LIMK1: variants seen among roughly 807,000 people sequenced by gnomAD.
LIMK1 encodes LIM motif-containing protein kinase.
In LIMK1, 21 loss-of-function variants were observed where a neutral mutation model predicts 77.6. The observed-to-expected ratio is 0.27, with a 90% CI of 0.19 to 0.39. The LOEUF is 0.39. LIMK1 is among the 10% of genes least tolerant of loss of function. The pLI is 1.00. For missense variants in LIMK1, 696 were observed against 901.6 expected, an observed-to-expected ratio of 0.77 and a Z score of 2.92; for synonymous variants, 358 against 370.0, an observed-to-expected ratio of 0.97 and a Z score of 0.37.
rs189172752 is a variant in LIMK1, at chr7:74,089,005, G to A, written c.152+3161G>A. Among the ~76,000 whole-genome samples, 251 of 152,128 alleles carry A rather than the reference G, an allele frequency of 1.6e-3. 1 individual carries two copies. In the Middle Eastern group the frequency reaches 0.017, roughly 10 times the overall value. ...GGATGGAGAGAATTTCAGGCAGAAGGGACAGTTTTTGGTGAGTATTTGTCA... is the reference window on the plus strand; with the variant it reads ...GGATGGAGAGAATTTCAGGCAGAAGAGACAGTTTTTGGTGAGTATTTGTCA... On this transcript the variant is annotated intron_variant, in intron 2 of 15. Transcript: ENST00000336180.
At chr7:74,097,238 A>G in intron 4 of LIMK1, 49 bp downstream of exon 4, 1 of 1,248,780 alleles carries the variant, frequency 8.0e-7, no homozygotes, top group Non-Finnish European at 1.1e-6. Flanking sequence ...CCTGTGTCAC[A>G]GATCTGCAAG....
intron 13 of LIMK1, 76 bp downstream of exon 13, chr7:74,116,034 A>T: frequency 6.7e-7 from 1 of 1,491,316 alleles, no homozygotes; most frequent in Non-Finnish European, 9.2e-7. Context: ...TAACCTCCCA[A>T]GCCCCTGGCC....
At chr7:74,088,769 T>G (rs1211742163) in intron 2 of LIMK1, among the ~76,000 whole-genome samples, 2 of 131,570 alleles carry the variant, frequency 1.5e-5, no homozygotes. Context: ...GTCACTGCAC[T>G]CCAGCCTGGG....
At chr7:74,103,119 C>T (rs1799501318) in intron 5 of LIMK1, among the ~76,000 whole-genome samples, 1 of 152,156 alleles carries the variant, frequency 6.6e-6, no homozygotes, top group Non-Finnish European at 1.5e-5. Flanking sequence ...CCACCCACCT[C>T]AGCCTCCCAA....
intron 1 of LIMK1, 33 bp downstream of exon 1, chr7:74,084,078 T>C: frequency 7.7e-7 from 1 of 1,297,784 alleles, no homozygotes; most frequent in Non-Finnish European, 1.0e-6. Context: ...GGCGAGGGCC[T>C]GGAGGGGGTG....
rs782351851 is a variant in LIMK1, at chr7:74,120,884, C to T, written c.1624-8C>T. On this transcript the variant is annotated splice_polypyrimidine_tract_variant and splice_region_variant and intron_variant, in intron 14 of 15. Transcript: ENST00000336180. ...CCTGGAGTAACTGCCGGGCCTTGTA[C>T]TGGACAGATCATCGGGCGGGTGAAC... is the stretch of plus-strand genomic sequence containing the variant. 10 of 1,614,166 alleles carry T rather than the reference C, an allele frequency of 6.2e-6. 1 individual carries two copies. The South Asian group carries it at 8.8e-5, about 14-fold the overall frequency.
Position 74,083,956 on chromosome 7 carries a change from C to G in LIMK1, c.-35C>G. On this transcript the variant is annotated 5_prime_UTR_variant, in exon 1 of 16. Transcript: ENST00000336180. ...GCTCGCGGGCCCGGCCGCCCCCAGC[C>G]CCAGCCCCGCCGGGCCCCGCCCCCC... 9.1e-7 allele frequency: 1 copy of G among 1,094,154 alleles called. No individual in the cohort carries two copies. The allele number at this position is 1,094,154 out of a possible 1,614,324, so 67.8% of individuals were successfully genotyped here. A position where few individuals can be genotyped will look rare whatever the true frequency, so the allele number is the denominator to read the frequency against.
rs192574562 is a variant in LIMK1 at position 74,117,103 on chromosome 7, G to A, written c.1567+1145G>A. On this transcript the variant is annotated intron_variant, in intron 13 of 15. Coordinates refer to ENST00000336180, the MANE Select transcript of LIMK1 (RefSeq NM_002314.4). Reference sequence around the variant, plus strand: ...TCACCGTGTTAGCCAAGATGGTGTCGATCTCCTGACCTCGTGATCCGCCCG... The same window carrying A: ...TCACCGTGTTAGCCAAGATGGTGTCAATCTCCTGACCTCGTGATCCGCCCG... Among the ~76,000 whole-genome samples, 50 of 152,140 alleles carry A rather than the reference G, an allele frequency of 3.3e-4. 1 individual carries two copies. Among genetic ancestry groups the A allele is most frequent in the Admixed American group, 4.6e-4 (7 of 15,272 alleles).
At position 74,120,583 on chromosome 7, in the gene LIMK1, G is replaced by C; in HGVS notation, c.1568G>C (p.Gly523Ala). 2 of 1,614,224 alleles carry C rather than the reference G, an allele frequency of 1.2e-6. 1 individual carries two copies. Among genetic ancestry groups the C allele is most frequent in the South Asian group, 2.2e-5 (2 of 91,088 alleles). ...GCTGACAGTCGGTCTCTTTATCCAG[G>C]CCGCAGCTATGATGAGAAGGTGGAT... ...PYWMAPEMINGRSYDEKVDVF... is the reference protein window; with the variant it reads ...PYWMAPEMINARSYDEKVDVF... Residue 523 changes from glycine to alanine, a missense_variant and splice_region_variant, in exon 14 of 16, where the codon GGC (glycine) becomes GCC (alanine). By Grantham distance (60) the Gly-to-Ala change is moderately conservative (BLOSUM62 0). This residue lies in a region of LIMK1 where 438 missense variants were observed against 602.3 expected (regional missense o/e 0.73). Coordinates refer to ENST00000336180, the MANE Select transcript of LIMK1 (RefSeq NM_002314.4).
chr7:74,111,110 C>T (rs1799689267), intron 10 of LIMK1: 1 of 156,216 alleles, frequency 6.4e-6, no homozygotes, highest in Non-Finnish European at 1.4e-5. Context: ...GTGGTGGACA[C>T]CTGTAATCCC....
chr7:74,105,946 A>G lies in LIMK1; in HGVS notation c.680A>G (p.Asn227Ser). Residue 227 changes from asparagine to serine, a missense_variant, in exon 6 of 16, where the codon AAT (asparagine) becomes AGT (serine). This residue lies in a region of LIMK1 where 438 missense variants were observed against 602.3 expected (regional missense o/e 0.73). Coordinates refer to ENST00000336180, the MANE Select transcript of LIMK1 (RefSeq NM_002314.4). ...IHVGDRILEI[N>S]GTPIRNVPLD... ...GTCGGAGACCGGATCTTGGAAATCA[A>G]TGGCACGCCCATCCGAAATGTGCCC... The G allele has an allele frequency of 1.9e-6, 3 of 1,614,124 alleles. No individual in the cohort carries two copies. The highest frequency in any genetic ancestry group is 2.5e-6 in the Non-Finnish European group (3 of 1,180,034).
chr7:74,110,089 C>A (rs981659328), intron 10 of LIMK1: 3 of 152,188 alleles, frequency 2.0e-5, no homozygotes, highest in Non-Finnish European at 4.4e-5. Flanking sequence ...TGGCTCACAC[C>A]TGAATTCCCA....
intron 5 of LIMK1, among the ~76,000 whole-genome samples, chr7:74,105,537 G>A (rs756917602): frequency 1.3e-5 from 2 of 148,580 alleles, no homozygotes; most frequent in Non-Finnish European, 3.0e-5. Context: ...AAAAAAATTC[G>A]AGACCAAACA....
At chr7:74,110,419 G>T (rs1799671562) in intron 10 of LIMK1, 1 of 152,208 alleles carries the variant, frequency 6.6e-6, no homozygotes, top group Non-Finnish European at 1.5e-5. Context: ...CGTTCTCCTG[G>T]CATGGCTCAG....
At chr7:74,092,762 G>A (rs1420471472) in intron 2 of LIMK1, among the ~76,000 whole-genome samples, 6 of 152,200 alleles carry the variant, frequency 3.9e-5, no homozygotes, top group African/African-American at 1.4e-4. Context: ...GCAGCGGCGG[G>A]ATGCAACCTC....
At chr7:74,093,009 G>C (rs964559904) in intron 2 of LIMK1, 6 of 794,158 alleles carry the variant, frequency 7.6e-6, no homozygotes, top group Non-Finnish European at 1.1e-5. Flanking sequence ...AGCCTAGATC[G>C]CTCGCTCCCC....
At chr7:74,089,962 A>G (rs1472519547) in intron 2 of LIMK1, among the ~76,000 whole-genome samples, 2 of 152,136 alleles carry the variant, frequency 1.3e-5, no homozygotes, top group African/African-American at 4.8e-5. Flanking sequence ...GCCGTGTTAC[A>G]GGATGGGTGT....
rs782785057 is a variant in LIMK1 at position 74,097,066 on chromosome 7, C to T, written c.292-14C>T. The T allele has an allele frequency of 1.3e-6, 2 of 1,594,702 alleles. No homozygotes were observed. The highest frequency in any genetic ancestry group is 1.7e-6 in the Non-Finnish European group (2 of 1,165,568). On this transcript the variant is annotated splice_polypyrimidine_tract_variant and intron_variant, in intron 3 of 15. Transcript: ENST00000336180. ...CTGCTGAGCTGGGCTGTTCCCTCCT[C>T]ACCCCCGCACCAGGTGGCTGGGGAG...
At chr7:74,106,869 C>G in intron 7 of LIMK1, 141 bp from the exon 8 acceptor site, 1 of 824,852 alleles carries the variant, frequency 1.2e-6, no homozygotes, top group East Asian at 2.8e-5. Flanking sequence ...TTGGACTGTC[C>G]CAGGCGGGCC....
Sources: allele counts gnomAD v4.1 joint callset (sites outside exome capture counted in the v4.1 genomes callset), GRCh38; gene constraint gnomAD v4.1.1; regional missense constraint gnomAD v4.1.1; transcripts MANE v1.5; gene names NCBI Gene and HGNC (gene_info 2026-07-23, HGNC 2026-07-21).